The following DMD variants were observed in gnomAD, a reference collection of about 807,000 sequenced individuals.
The protein encoded by DMD is mutant dystrophin.
DMD carries 63 observed loss-of-function variants against 330.1 expected under a neutral mutation model. That is an observed-to-expected ratio of 0.19 (90% CI 0.16 to 0.24). DMD has a LOEUF of 0.24. Among genes scored for constraint, DMD ranks in the 10% least tolerant of loss-of-function variants. DMD has a pLI of 1.00. For synonymous variants in DMD, 1,223 were observed against 959.8 expected, an observed-to-expected ratio of 1.27 and a Z score of -5.07; for missense variants, 3,344 against 2,684.1, an observed-to-expected ratio of 1.25 and a Z score of -5.43.
Position 31,801,201 on chromosome X carries a change from T to C in DMD, c.7309+18774A>G, listed in dbSNP as rs997904314. ...CATGGCTTCAGAGGCCTCCGGAAAC[T>C]TACAATCATGGAGGAAGGCACCTTT... On this transcript the variant is annotated intron_variant, in intron 50 of 78. Transcript: ENST00000357033. Among the ~76,000 whole-genome samples, 8 of 111,666 alleles carry C rather than the reference T, an allele frequency of 7.2e-5. No individual in the cohort carries two copies. In the East Asian group the frequency reaches 8.4e-4, roughly 12 times the overall value.
At chrX:33,152,323 C>G (rs2048316920) in intron 1 of DMD, among the ~76,000 whole-genome samples, 1 of 109,387 alleles carries the variant, frequency 9.1e-6, no homozygotes, top group East Asian at 2.9e-4. Context: ...GGACCCACCA[C>G]CAAGACTGGC....
intron 45 of DMD, among the ~76,000 whole-genome samples, chrX:31,953,892 A>AAGAT (rs755866487): frequency 1.8e-5 from 2 of 111,827 alleles, no homozygotes; most frequent in South Asian, 7.5e-4. Context: ...CACAGGTGGG[A>AAGAT]AGATAGGTGA....
At chrX:31,486,323 T>C (rs1322949479) in intron 57 of DMD, among the ~76,000 whole-genome samples, 2 of 112,345 alleles carry the variant, frequency 1.8e-5, no homozygotes, top group African/African-American at 6.5e-5. Flanking sequence ...TTGATTTAGA[T>C]GCAAAACAGG....
intron 60 of DMD, among the ~76,000 whole-genome samples, chrX:31,359,037 ATAAT>A (rs1328618352): frequency 8.9e-6 from 1 of 112,416 alleles, no homozygotes; most frequent in Non-Finnish European, 1.9e-5. Flanking sequence ...GCAACTTTAA[ATAAT>A]TAAGCCATTA....
chrX:31,252,989 CAA>C (rs11368058), intron 63 of DMD, among the ~76,000 whole-genome samples: 2 of 100,379 alleles, frequency 2.0e-5, no homozygotes, highest in African/African-American at 7.2e-5. Flanking sequence ...GACTCCGTCT[CAA>C]AAAAAAAAAA....
At chrX:32,385,631 G>A (rs1298093257) in intron 33 of DMD, among the ~76,000 whole-genome samples, 2 of 24,689 alleles carry the variant, frequency 8.1e-5, no homozygotes, top group Non-Finnish European at 1.3e-4. Context: ...AATCTATACA[G>A]AATATTTGAG....
At chrX:31,753,131 CA>C (rs956811298) in intron 51 of DMD, among the ~76,000 whole-genome samples, 2 of 111,907 alleles carry the variant, frequency 1.8e-5, no homozygotes, top group African/African-American at 6.5e-5. Context: ...GTGAATGAAT[CA>C]GTAGGCTTTG....
intron 77 of DMD, among the ~76,000 whole-genome samples, chrX:31,127,013 A>AAACTT (rs2033811668): frequency 9.0e-6 from 1 of 110,826 alleles, no homozygotes; most frequent in Admixed American, 9.5e-5. Context: ...AGGACAACTC[A>AAACTT]AACTTAATGT....
At chrX:32,596,638 C>A (rs754781791) in intron 12 of DMD, among the ~76,000 whole-genome samples, 3 of 110,319 alleles carry the variant, frequency 2.7e-5, no homozygotes, top group Non-Finnish European at 5.7e-5. Context: ...CTCCACCTAC[C>A]GGGTTCAAGG....
intron 7 of DMD, among the ~76,000 whole-genome samples, chrX:32,750,491 T>G (rs756409184): frequency 5.4e-5 from 6 of 111,641 alleles, no homozygotes; most frequent in Non-Finnish European, 9.4e-5. Flanking sequence ...AACAGATTGC[T>G]ATAAATCAGA....
chrX:32,780,502 G>A (rs959615375), intron 7 of DMD, among the ~76,000 whole-genome samples: 1 of 111,539 alleles, frequency 9.0e-6, no homozygotes, highest in Non-Finnish European at 1.9e-5. Context: ...AATATTTTTT[G>A]AAATTACCTT....
chrX:33,290,258 G>A (rs746242419), intron 1 of DMD, among the ~76,000 whole-genome samples: 1 of 110,969 alleles, frequency 9.0e-6, no homozygotes, highest in East Asian at 2.8e-4. Flanking sequence ...TAAGTACTAC[G>A]ACCTCCTACT....
intron 62 of DMD, among the ~76,000 whole-genome samples, chrX:31,293,016 T>C (rs949724174): frequency 2.7e-5 from 3 of 110,847 alleles, no homozygotes; most frequent in Non-Finnish European, 3.8e-5. Flanking sequence ...AGTGGTTATA[T>C]TCTATGTTTC....
chrX:31,726,245 G>A (rs2086041949), intron 52 of DMD, among the ~76,000 whole-genome samples: 1 of 112,100 alleles, frequency 8.9e-6, no homozygotes, highest in South Asian at 3.7e-4. Context: ...GTGGTGGCTT[G>A]CACACCCAAT....
At chrX:32,948,113 G>GACACACACACACACACACACACAC (rs3083093) in intron 2 of DMD, among the ~76,000 whole-genome samples, 83 of 95,976 alleles carry the variant, frequency 8.6e-4, no homozygotes, top group Admixed American at 6.8e-3. Context: ...GAGAGAAACA[G>GACACACACACACACACACACACAC]ACACACACAC....
At chrX:33,155,687 G>T (rs1450333491) in intron 1 of DMD, among the ~76,000 whole-genome samples, 3 of 110,519 alleles carry the variant, frequency 2.7e-5, no homozygotes. Flanking sequence ...AGCCGGGCAT[G>T]GTGGCTCGTA....
chrX:32,777,277 T>TGGGGGGGGGGGGGGGGG (rs546914107), intron 7 of DMD, among the ~76,000 whole-genome samples: 2 of 2,113 alleles, frequency 9.5e-4, no homozygotes, highest in Non-Finnish European at 1.4e-3. Context: ...GGTTTCTGGT[T>TGGGGGGGGGGGGGGGGG]GGGGGGGGAA....
chrX:32,850,589 A>G (rs566601437), intron 2 of DMD, among the ~76,000 whole-genome samples: 30 of 111,876 alleles, frequency 2.7e-4, no homozygotes, highest in African/African-American at 9.1e-4. Context: ...TTGTCATGAA[A>G]CTAGAATGGG....
chrX:31,640,308 G>A (rs2079658025), intron 54 of DMD, among the ~76,000 whole-genome samples: 1 of 112,515 alleles, frequency 8.9e-6, no homozygotes, highest in Non-Finnish European at 1.9e-5. Context: ...CAATTTTGCT[G>A]TGGCAAAAAG....
Sources: gnomAD v4.1 joint callset for allele counts (sites outside exome capture counted in the v4.1 genomes callset) on GRCh38, gnomAD v4.1.1 for gene constraint, MANE v1.5 for transcripts, NCBI Gene and HGNC (gene_info 2026-07-23, HGNC 2026-07-21) for gene names.